GSTK1: variants seen among roughly 807,000 people sequenced by gnomAD.
GSTK1 encodes the protein glutathione S-transferase kappa 1.
In GSTK1, 25 loss-of-function variants were observed where a neutral mutation model predicts 30.9. That is an observed-to-expected ratio of 0.81 (90% CI 0.59 to 1.13). GSTK1 has a LOEUF of 1.13. Among genes scored for constraint, GSTK1 ranks in the 50% most tolerant of loss-of-function variants. GSTK1 has a pLI of 0.00. For missense variants in GSTK1, 292 were observed against 292.4 expected (o/e 1.00, Z 0.01); for synonymous variants, 108 against 112.5 (o/e 0.96, Z 0.25).
rs1366996904 is a variant in GSTK1, at chr7:143,267,649, AG to A, written c.454del (p.Ala152ProfsTer13). The A allele has an allele frequency of 6.2e-7, 1 of 1,614,068 alleles. No homozygotes were observed. Among genetic ancestry groups the A allele is most frequent in the African/African-American group, 1.3e-5 (1 of 74,940 alleles). On this transcript the variant is annotated frameshift_variant, in exon 6 of 8. Transcript: ENST00000358406. LOFTEE classifies it high-confidence loss of function. ...AGAAGGCTGGTATGTCTGCAGAACA[AG>A]CCCAGGGACTTCTGGAAAAGATCGC... ...AEKAGMSAEQ[A>X]QGLLEKIATP...
Position 143,268,827 on chromosome 7 carries a change from C to T in GSTK1, c.671C>T (p.Ala224Val), listed in dbSNP as rs780853486. The stretch of plus-strand genomic sequence containing the variant: ...GGCCCTATACCTCCAGCCGTGAATG[C>T]CAGACTTTAAGATTGCCCGGAGGAA... ...WMGPIPPAVN[A>V]RL The change falls in exon 8 of 8, where the codon GCC becomes GTC. Residue 224 changes from alanine (A) to valine (V), a missense_variant. By Grantham distance (64) the Ala-to-Val change is moderately conservative. Coordinates refer to ENST00000358406, the MANE Select transcript of GSTK1 (RefSeq NM_015917.3). This position sits in a 1 kb window ranked among gnomAD's most constrained non-coding sequence, Gnocchi z 4.1. 1 of 1,613,916 alleles carries T rather than the reference C, an allele frequency of 6.2e-7. No individual in the cohort carries two copies. Among genetic ancestry groups the T allele is most frequent in the Admixed American group, 1.7e-5 (1 of 60,020 alleles).
chr7:143,265,208 C>T, intron 4 of GSTK1, 53 bp from the exon 5 acceptor site: 1 of 1,606,400 alleles, frequency 6.2e-7, no homozygotes, highest in East Asian at 2.3e-5. Context: ...ACTGTCCTCC[C>T]AGTCACACCC....
At chr7:143,265,358 G>T in intron 5 of GSTK1, 62 bp downstream of exon 5, 1 of 1,418,880 alleles carries the variant, frequency 7.0e-7, no homozygotes, top group Non-Finnish European at 9.5e-7. Flanking sequence ...TTGGCGTTTG[G>T]GGGTAAAGAA....
intron 5 of GSTK1, among the ~76,000 whole-genome samples, chr7:143,266,002 C>T (rs1586425875): frequency 7.5e-6 from 1 of 132,954 alleles, no homozygotes; most frequent in East Asian, 2.3e-4. Flanking sequence ...TTTTTTACTT[C>T]ATATTTAATC....
chr7:143,264,160 A>T lies in GSTK1; in HGVS notation c.147A>T (p.Lys49Asn). The T allele has an allele frequency of 6.2e-7, 1 of 1,613,774 alleles. No homozygotes were observed. Among genetic ancestry groups the T allele is most frequent in the Non-Finnish European group, 8.5e-7 (1 of 1,179,670 alleles). The change falls in exon 2 of 8, where the codon AAA becomes AAT. Residue 49 changes from lysine to asparagine, a missense_variant. Physicochemically the swap from Lys to Asn is moderately conservative, Grantham distance 94 (BLOSUM62 0). Transcript: ENST00000358406. ...LRPSLITGIM[K>N]DSGNKPPGLL... ...CCAGCCTCATAACAGGGATCATGAA[A>T]GACAGTGGTAGGAAGGGAGGGTCGG... is the stretch of plus-strand genomic sequence containing the variant.
rs150806168 is a variant in GSTK1, at chr7:143,264,586, T to C, written c.193T>C (p.Tyr65His). The part of the protein sequence containing the change: ...PPGLLPRKGL[Y>H]MANDLKLLRH... ...AGGTCTGCTTCCCCGCAAAGGACTA[T>C]ACATGGCAAATGACTTAAAGCTCCT... Residue 65 changes from tyrosine to histidine, a missense_variant, in exon 3 of 8, where the codon TAC (tyrosine) becomes CAC (histidine). Transcript: ENST00000358406. 2.2e-5 allele frequency: 36 copies of C among 1,614,046 alleles called. No homozygotes were observed. The highest frequency in any genetic ancestry group is 1.8e-4 in the East Asian group (8 of 44,878).
intron 2 of GSTK1, 161 bp downstream of exon 2, chr7:143,264,328 C>T: frequency 5.2e-6 from 4 of 767,102 alleles, no homozygotes; most frequent in South Asian, 3.4e-5. Context: ...CTGTATACCA[C>T]AGCTACTCGG....
intron 3 of GSTK1, 41 bp downstream of exon 3, chr7:143,264,717 C>G (rs767435443): frequency 1.9e-6 from 3 of 1,611,688 alleles, no homozygotes; most frequent in Non-Finnish European, 2.5e-6. Context: ...CAGTGAAAAA[C>G]ACAGAAGTCG....
intron 6 of GSTK1, 61 bp downstream of exon 6, chr7:143,267,794 C>G: frequency 8.1e-7 from 1 of 1,229,420 alleles, no homozygotes; most frequent in Non-Finnish European, 1.2e-6. Context: ...TTGAGAATCT[C>G]TAAGTTTGAG....
Position 143,264,158 on chromosome 7 carries a change from A to G in GSTK1, c.145A>G (p.Lys49Glu). The stretch of plus-strand genomic sequence containing the variant: ...GCCCAGCCTCATAACAGGGATCATG[A>G]AAGACAGTGGTAGGAAGGGAGGGTC... The part of the protein sequence containing the change: ...LRPSLITGIM[K>E]DSGNKPPGLL... The change falls in exon 2 of 8, where the codon AAA becomes GAA. Residue 49 changes from lysine (K) to glutamate (E), a missense_variant. Coordinates refer to ENST00000358406, the MANE Select transcript of GSTK1 (RefSeq NM_015917.3). 1.2e-6 allele frequency: 2 copies of G among 1,613,886 alleles called. No homozygotes were observed. The highest frequency in any genetic ancestry group is 1.7e-6 in the Non-Finnish European group (2 of 1,179,812).
intron 5 of GSTK1, among the ~76,000 whole-genome samples, chr7:143,265,991 CT>C (rs1800865234): frequency 1.7e-5 from 2 of 116,294 alleles, no homozygotes; most frequent in Admixed American, 1.7e-4. Flanking sequence ...TTTTAGCTTG[CT>C]TTTTTACTTC....
rs1800798114 is a variant in GSTK1, at chr7:143,264,110, T to C, written c.97T>C (p.Trp33Arg). 6.2e-7 allele frequency: 1 copy of C among 1,613,974 alleles called. No homozygotes were observed. Among genetic ancestry groups the C allele is most frequent in the Non-Finnish European group, 8.5e-7 (1 of 1,179,980 alleles). ...GATCCTGTGCCGGTATCAGAATATC[T>C]GGAACATCAACCTGCAGTTGCGGCC... is the stretch of plus-strand genomic sequence containing the variant. ...FEILCRYQNI[W>R]NINLQLRPSL... Residue 33 changes from tryptophan to arginine, a missense_variant, in exon 2 of 8, where the codon TGG becomes CGG. By Grantham distance (101) the Trp-to-Arg change is moderately radical. Coordinates refer to ENST00000358406, the MANE Select transcript of GSTK1 (RefSeq NM_015917.3).
chr7:143,263,825 C>T, intron 1 of GSTK1: 1 of 601,564 alleles, frequency 1.7e-6, no homozygotes, highest in Admixed American at 3.0e-5. Flanking sequence ...GAAAGAGGGG[C>T]GGCTCCAAAC....
chr7:143,268,177 C>A lies in GSTK1; in HGVS notation c.624C>A (p.His208Gln). The A allele has an allele frequency of 1.9e-6, 3 of 1,613,334 alleles. No homozygotes were observed. Among genetic ancestry groups the A allele is most frequent in the East Asian group, 2.2e-5 (1 of 44,876 alleles). Reference sequence around the variant, plus strand: ...CTGACCGGATGGAGCTGCTGGCGCACCTGCTGGGTAAGTAAGTTAAAGAAT... The same window carrying A: ...CTGACCGGATGGAGCTGCTGGCGCAACTGCTGGGTAAGTAAGTTAAAGAAT... ...FGSDRMELLAHLLGEKWMGPI... is the reference protein window; with the variant it reads ...FGSDRMELLAQLLGEKWMGPI... Residue 208 changes from histidine (H) to glutamine (Q), a missense_variant, in exon 7 of 8, where the codon CAC becomes CAA. His to Gln is a conservative substitution (Grantham distance 24). Transcript: ENST00000358406. The surrounding 1 kb of genome is among the most constrained non-coding windows in gnomAD (Gnocchi z 4.1).
chr7:143,267,721 C>T lies in GSTK1; in HGVS notation c.525C>T (p.Ala175=). 6.2e-7 allele frequency: 1 copy of T among 1,611,428 alleles called. No homozygotes were observed. Among genetic ancestry groups the T allele is most frequent in the Non-Finnish European group, 8.5e-7 (1 of 1,177,810 alleles). ...KNQLKETTEA[A]CRYGAFGLPI... ...AGCTCAAGGAGACCACTGAGGCAGC[C>T]TGCAGATACGGAGTGAGCAGCTCTT... The change falls in exon 6 of 8, where the codon GCC becomes GCT. Residue 175 remains alanine, a synonymous_variant. Transcript: ENST00000358406.
At chr7:143,264,234 T>C in intron 2 of GSTK1, 67 bp downstream of exon 2, 1 of 1,364,550 alleles carries the variant, frequency 7.3e-7, no homozygotes, top group Admixed American at 1.7e-5. Context: ...AGCGGGTCCT[T>C]ATATTGGCAC....
chr7:143,264,661 G>A lies in GSTK1; in HGVS notation c.268G>A (p.Val90Met), dbSNP rs767172077. 6 of 1,614,084 alleles carry A rather than the reference G, an allele frequency of 3.7e-6. No individual in the cohort carries two copies. Among genetic ancestry groups the A allele is most frequent in the Non-Finnish European group, 5.1e-6 (6 of 1,179,984 alleles). ...PIHFPKDFLS[V>M]MLEKGSLSAM... ...CCACTTCCCCAAGGATTTCTTGTCT[G>A]TGATGCTTGAAAAAGGTGAAGAGAG... The change falls in exon 3 of 8, where the codon GTG becomes ATG. Residue 90 changes from valine (V) to methionine (M), a missense_variant. By Grantham distance (21) the Val-to-Met change is conservative. Coordinates refer to ENST00000358406, the MANE Select transcript of GSTK1 (RefSeq NM_015917.3).
At chr7:143,267,976 C>G (rs1800929629) in intron 6 of GSTK1, 115 bp from the exon 7 acceptor site, 1 of 786,138 alleles carries the variant, frequency 1.3e-6, no homozygotes, top group South Asian at 1.7e-5. Flanking sequence ...GGCCACAGAG[C>G]CTCTTAGACC....
chr7:143,268,432 G>A lies in GSTK1; in HGVS notation c.631+248G>A, dbSNP rs556119947. ...GGAGGTTGCAGTGAGCCGAGATCGC[G>A]CCACTGCACTCCAGCCTGGGTGACA... On this transcript the variant is annotated intron_variant, in intron 7 of 7. Coordinates refer to ENST00000358406, the MANE Select transcript of GSTK1 (RefSeq NM_015917.3). This position sits in a 1 kb window ranked among gnomAD's most constrained non-coding sequence, Gnocchi z 4.1. Among the ~76,000 whole-genome samples the A allele has an allele frequency of 2.6e-5, 4 of 152,152 alleles. No homozygotes were observed. Among genetic ancestry groups the A allele is most frequent in the African/African-American group, 7.2e-5 (3 of 41,504 alleles).
Sources: gnomAD v4.1 joint callset for allele counts (sites outside exome capture counted in the v4.1 genomes callset) on GRCh38, gnomAD v4.1.1 for gene constraint, Gnocchi (gnomAD v3.1) non-coding constraint, MANE v1.5 for transcripts, NCBI Gene and HGNC (gene_info 2026-07-23, HGNC 2026-07-21) for gene names.